RPS6KA2: variants seen among roughly 807,000 people sequenced by gnomAD.
The protein encoded by RPS6KA2 is ribosomal protein S6 kinase alpha-2.
RPS6KA2 carries 42 observed loss-of-function variants against 91.8 expected under a neutral mutation model. The ratio of observed to expected loss-of-function variants is 0.46; its 90% confidence interval spans 0.36 to 0.59. The LOEUF (loss-of-function observed/expected upper bound fraction) is 0.59. RPS6KA2 is among the 20% of genes least tolerant of loss of function. RPS6KA2 has a pLI of 0.00. For synonymous variants in RPS6KA2, 414 were observed against 393.6 expected (o/e 1.05, Z -0.61); for missense variants, 798 against 978.5 (o/e 0.82, Z 2.46).
At chr6:166,572,752 G>T (rs1253172996) in intron 1 of RPS6KA2, among the ~76,000 whole-genome samples, 4 of 152,226 alleles carry the variant, frequency 2.6e-5, no homozygotes, top group Non-Finnish European at 5.9e-5. Context: ...CACAAGCAAA[G>T]AGGAACATAG....
intron 1 of RPS6KA2, among the ~76,000 whole-genome samples, chr6:166,620,739 CAAG>C (rs1786594478): frequency 1.3e-5 from 2 of 152,232 alleles, no homozygotes; most frequent in Admixed American, 1.3e-4. Flanking sequence ...GCTGTCCTGA[CAAG>C]GCACATTTCA....
In RPS6KA2 at chr6:166,743,569, A is replaced by G. The variant is rs188554507; in HGVS notation, c.123+114631T>C. On this transcript the variant is annotated intron_variant, in intron 2 of 21. Coordinates refer to the RPS6KA2 transcript ENST00000503859. ...TAACAACAGTGCCACCTAATCTACA[A>G]AGAGCTTGGAGGCCTCTCCACACCC... Among the ~76,000 whole-genome samples the G allele has an allele frequency of 4.3e-4, 66 of 152,228 alleles. 2 individuals carry two copies. The South Asian group carries it at 6.9e-3, about 16-fold the overall frequency.
intron 2 of RPS6KA2, among the ~76,000 whole-genome samples, chr6:166,791,397 C>G (rs1336298138): frequency 6.6e-6 from 1 of 152,146 alleles, no homozygotes; most frequent in East Asian, 1.9e-4. Flanking sequence ...GAGACTTAGA[C>G]TCCCACACAA....
chr6:166,508,363 C>A lies in RPS6KA2; in HGVS notation c.380-81G>T. ...TCGCTCTCTGGCTTCTCCCTGCTCA[C>A]GGTGCTGCTTACTCCGGGAGGCTGA... On this transcript the variant is annotated intron_variant, in intron 4 of 20. Transcript: ENST00000265678. This position sits in a 1 kb window ranked among gnomAD's most constrained non-coding sequence, Gnocchi z 4.3. The A allele has an allele frequency of 1.1e-6, 1 of 925,450 alleles. No homozygotes were observed. The allele number at this position is 925,450 out of a possible 1,614,324, so 57.3% of individuals were successfully genotyped here.
At chr6:166,724,665 T>C (rs1428226796) in intron 2 of RPS6KA2, among the ~76,000 whole-genome samples, 3 of 152,378 alleles carry the variant, frequency 2.0e-5, no homozygotes, top group South Asian at 4.1e-4. Context: ...TCCTGCCGCC[T>C]GTTTCTAATC....
At chr6:166,634,701 T>A (rs1277308243) in intron 2 of RPS6KA2, among the ~76,000 whole-genome samples, 1 of 152,206 alleles carries the variant, frequency 6.6e-6, no homozygotes, top group Non-Finnish European at 1.5e-5. Context: ...CTCAGCTCAC[T>A]GCAACCTCCT....
intron 2 of RPS6KA2, among the ~76,000 whole-genome samples, chr6:166,738,948 G>T (rs1386055044): frequency 2.0e-5 from 3 of 152,188 alleles, no homozygotes; most frequent in African/African-American, 7.2e-5. Flanking sequence ...AGGTGTGCAT[G>T]TCTGCAAGAT....
At chr6:166,488,772 C>CT (rs1562529045) in intron 10 of RPS6KA2, 61 bp downstream of exon 10, 1 of 1,365,380 alleles carries the variant, frequency 7.3e-7, no homozygotes, top group African/African-American at 1.4e-5. Flanking sequence ...CACATCTCCA[C>CT]TGTAGCTTGC....
At chr6:166,497,869 A>G (rs1781846830) in intron 8 of RPS6KA2, among the ~76,000 whole-genome samples, 1 of 152,084 alleles carries the variant, frequency 6.6e-6, no homozygotes, top group Non-Finnish European at 1.5e-5. Context: ...TACCCCTGAA[A>G]TGCCACGACC....
chr6:166,611,809 T>C (rs1786189046), intron 1 of RPS6KA2, among the ~76,000 whole-genome samples: 1 of 152,172 alleles, frequency 6.6e-6, no homozygotes, highest in Non-Finnish European at 1.5e-5. Flanking sequence ...TCCATGTTTC[T>C]CCACAGCCAC....
chr6:166,524,528 A>G (rs1010563690), intron 3 of RPS6KA2, among the ~76,000 whole-genome samples: 3 of 152,176 alleles, frequency 2.0e-5, no homozygotes, highest in African/African-American at 7.2e-5. Context: ...GAACCAAGAC[A>G]TCATTCTTTC....
Position 166,418,687 on chromosome 6 carries a change from G to C in RPS6KA2, c.1821-345C>G, listed in dbSNP as rs1192832403. ...GGTGTGGCATCATGCGAGAGAGCCT[G>C]AGACGTGGAGTCTGAGAGACCCACG... On this transcript the variant is annotated intron_variant, in intron 18 of 20. Coordinates refer to ENST00000265678, the MANE Select transcript of RPS6KA2 (RefSeq NM_021135.6). The surrounding 1 kb of genome is among the most constrained non-coding windows in gnomAD (Gnocchi z 4.9). Among the ~76,000 whole-genome samples, 2 of 152,254 alleles carry C rather than the reference G, an allele frequency of 1.3e-5. No individual in the cohort carries two copies. Among genetic ancestry groups the C allele is most frequent in the African/African-American group, 2.4e-5 (1 of 41,466 alleles).
intron 2 of RPS6KA2, among the ~76,000 whole-genome samples, chr6:166,679,540 T>C (rs1788721064): frequency 6.6e-6 from 1 of 152,212 alleles, no homozygotes; most frequent in South Asian, 2.1e-4. Context: ...AGATGAAGGA[T>C]AATGTGTAGG....
intron 2 of RPS6KA2, among the ~76,000 whole-genome samples, chr6:166,716,547 G>T (rs1790018900): frequency 6.6e-6 from 1 of 152,176 alleles, no homozygotes; most frequent in African/African-American, 2.4e-5. Context: ...ACTCTTATGG[G>T]ACCACCTTCA....
Position 166,508,337 on chromosome 6 carries a change from A to G in RPS6KA2, c.380-55T>C. ...AGCTTGTCGAATGTCCTGTGGCAAC[A>G]TCGCTCTCTGGCTTCTCCCTGCTCA... On this transcript the variant is annotated intron_variant, in intron 4 of 20. Transcript: ENST00000265678. The surrounding 1 kb of genome is among the most constrained non-coding windows in gnomAD (Gnocchi z 4.3). 8.5e-7 allele frequency: 1 copy of G among 1,174,700 alleles called. No homozygotes were observed. Among genetic ancestry groups the G allele is most frequent in the Middle Eastern group, 1.9e-4 (1 of 5,212 alleles). The allele number at this position is 1,174,700 out of a possible 1,614,324, so 72.8% of individuals were successfully genotyped here.
intron 1 of RPS6KA2, among the ~76,000 whole-genome samples, chr6:166,575,880 A>C: frequency 6.6e-6 from 1 of 152,216 alleles, no homozygotes; most frequent in Non-Finnish European, 1.5e-5. Flanking sequence ...GAATGACTTG[A>C]GGTCCCAAAT....
rs533103818 is a variant in RPS6KA2, at chr6:166,557,085, C to T, written c.100-18301G>A. On this transcript the variant is annotated intron_variant, in intron 1 of 20. Coordinates refer to ENST00000265678, the MANE Select transcript of RPS6KA2 (RefSeq NM_021135.6). This position sits in a 1 kb window ranked among gnomAD's most constrained non-coding sequence, Gnocchi z 4.8. ...TCATCACATCCCGCCTCGCCAAACA[C>T]GTTTTCTCTTCCTGTTACCCAGTGC... 5.3e-5 allele frequency among the ~76,000 whole-genome samples: 8 copies of T among 152,340 alleles called. No homozygotes were observed. The highest frequency in any genetic ancestry group is 2.0e-4 in the Admixed American group (3 of 15,306).
intron 2 of RPS6KA2, among the ~76,000 whole-genome samples, chr6:166,716,674 A>G (rs1790022962): frequency 6.6e-6 from 1 of 152,222 alleles, no homozygotes; most frequent in Non-Finnish European, 1.5e-5. Flanking sequence ...GTAATAACAA[A>G]TTATTCATTT....
chr6:166,450,308 TAGGGACCACCAGGGGGACCACCAC>T (rs1562501521), intron 13 of RPS6KA2, among the ~76,000 whole-genome samples: 3 of 119,364 alleles, frequency 2.5e-5, no homozygotes, highest in East Asian at 2.9e-4. Context: ...GGGACCACCA[TAGGGACCACCAGGGGGACCACCAC>T]AGGGACCACC....
Sources: allele counts gnomAD v4.1 joint callset (sites outside exome capture counted in the v4.1 genomes callset), GRCh38; gene constraint gnomAD v4.1.1; non-coding constraint Gnocchi (gnomAD v3.1); transcripts MANE v1.5; gene names NCBI Gene and HGNC (gene_info 2026-07-23, HGNC 2026-07-21).